Variants in BBS4 observed in about 807,000 individuals in gnomAD.
BBS4 encodes BBSome complex member BBS4.
BBS4 carries 58 observed loss-of-function variants against 71.4 expected under a neutral mutation model. That is an observed-to-expected ratio of 0.81 (90% CI 0.66 to 1.01). The LOEUF is 1.01. BBS4 is among the 50% of genes least tolerant of loss of function. The probability of loss-of-function intolerance (pLI) is 0.00; values close to 1 mark genes in which losing one functional copy is unlikely to be tolerated. For missense variants in BBS4, 660 were observed against 607.9 expected, an observed-to-expected ratio of 1.09 and a Z score of -0.90; for synonymous variants, 228 against 216.8, an observed-to-expected ratio of 1.05 and a Z score of -0.46.
intron 10 of BBS4, 36 bp downstream of exon 10, chr15:72,729,720 G>C (rs1180736476): frequency 6.3e-7 from 1 of 1,575,938 alleles, no homozygotes; most frequent in Non-Finnish European, 8.7e-7. Context: ...CCTTCATATA[G>C]ACGGTCCCAC....
At chr15:72,735,330 T>C in intron 13 of BBS4, 148 bp downstream of exon 13, 1 of 695,924 alleles carries the variant, frequency 1.4e-6, no homozygotes, top group Non-Finnish European at 2.7e-6. Flanking sequence ...TGGAGGGATG[T>C]GTCTCCTAAG....
At chr15:72,704,683 C>A (rs1371456117) in intron 2 of BBS4, among the ~76,000 whole-genome samples, 1 of 152,054 alleles carries the variant, frequency 6.6e-6, no homozygotes, top group East Asian at 1.9e-4. Flanking sequence ...AGTTCAAGAC[C>A]AGCCTGGCGG....
intron 8 of BBS4, among the ~76,000 whole-genome samples, chr15:72,725,863 C>T (rs573547555): frequency 0.034 from 95 of 2,790 alleles, 36 homozygotes; most frequent in Non-Finnish European, 0.061. Flanking sequence ...TTCCCCATCC[C>T]CCTTTCCCCA....
At chr15:72,704,321 C>T (rs1318680092) in intron 2 of BBS4, 4 of 625,210 alleles carry the variant, frequency 6.4e-6, no homozygotes, top group Non-Finnish European at 1.0e-5. Flanking sequence ...ATAGGGGAGA[C>T]TCTGCTCTGC....
chr15:72,731,961 CT>C (rs761090295), intron 12 of BBS4, among the ~76,000 whole-genome samples: 14 of 152,264 alleles, frequency 9.2e-5, no homozygotes, highest in Non-Finnish European at 2.1e-4. Context: ...AAGATCATCC[CT>C]AGTTCACCTT....
At position 72,737,516 on chromosome 15, in the gene BBS4, C is replaced by A. The variant is rs1326088443; in HGVS notation, c.1489C>A (p.Leu497Ile). The stretch of plus-strand genomic sequence containing the variant: ...ATCCCAGTTCACAAAGCCCCCATCT[C>A]TTCCTCTGGAGCCAGAGCCTGCGGT... ...GTSQFTKPPS[L>I]PLEPEPAVES... Residue 497 changes from leucine (L) to isoleucine (I), a missense_variant, in exon 16 of 16, where the codon CTT (leucine) becomes ATT (isoleucine). By Grantham distance (5) the Leu-to-Ile change is conservative (BLOSUM62 2). Transcript: ENST00000268057. The A allele has an allele frequency of 1.9e-6, 3 of 1,613,110 alleles. No individual in the cohort carries two copies. Among genetic ancestry groups the A allele is most frequent in the Admixed American group, 1.7e-5 (1 of 59,870 alleles).
intron 5 of BBS4, among the ~76,000 whole-genome samples, chr15:72,716,414 G>A (rs2065469673): frequency 6.6e-6 from 1 of 152,204 alleles, no homozygotes. Flanking sequence ...GGAAGGAAAG[G>A]ATGTGTCCCT....
chr15:72,712,425 A>C (rs1224506202), intron 4 of BBS4, 118 bp downstream of exon 4: 2 of 958,816 alleles, frequency 2.1e-6, no homozygotes, highest in Non-Finnish European at 3.3e-6. Flanking sequence ...TTAACAATGG[A>C]GATATGTTCT....
intron 6 of BBS4, among the ~76,000 whole-genome samples, chr15:72,717,853 G>C (rs2065494302): frequency 9.6e-5 from 1 of 10,394 alleles, no homozygotes; most frequent in Admixed American, 2.5e-3. Flanking sequence ...TTTTCTTTGT[G>C]TGTGGTGCGG....
In BBS4 at chr15:72,729,683, AG is replaced by A. The variant is rs2151044087; in HGVS notation, c.711+1del. 1.2e-6 allele frequency: 2 copies of A among 1,613,612 alleles called. No individual in the cohort carries two copies. The highest frequency in any genetic ancestry group is 1.7e-6 in the Non-Finnish European group (2 of 1,179,618). ...NALTYDPTNY[K>X]AILAAGSMMQ... ...CTGACTTATGACCCTACCAACTACA[AG>A]GTATTACAGGCTGTGAAGGCTCTGG... is the stretch of plus-strand genomic sequence containing the variant. On this transcript the variant is annotated frameshift_variant and splice_region_variant, in exon 10 of 16. Transcript: ENST00000268057. LOFTEE classifies it high-confidence loss of function.
chr15:72,690,085 C>T (rs564384165), intron 1 of BBS4, among the ~76,000 whole-genome samples: 2 of 152,166 alleles, frequency 1.3e-5, no homozygotes, highest in Non-Finnish European at 2.9e-5. Flanking sequence ...GCTGGGATTA[C>T]AGGCGAGCCA....
chr15:72,694,712 T>TG (rs2065044521), intron 1 of BBS4, among the ~76,000 whole-genome samples: 1 of 152,228 alleles, frequency 6.6e-6, no homozygotes, highest in African/African-American at 2.4e-5. Context: ...ATTCATTTGA[T>TG]GGTTTTCTAT....
rs2065965577 is a variant in BBS4 at position 72,738,206 on chromosome 15, G to C, written c.*619G>C. 3 of 451,890 alleles carry C rather than the reference G, an allele frequency of 6.6e-6. No individual in the cohort carries two copies. The highest frequency in any genetic ancestry group is 1.3e-5 in the Non-Finnish European group (3 of 226,030). 28.0% of individuals were successfully genotyped at this position (451,890 alleles called of 1,614,324 possible). On this transcript the variant is annotated 3_prime_UTR_variant, in exon 16 of 16. Coordinates refer to ENST00000268057, the MANE Select transcript of BBS4 (RefSeq NM_033028.5). ...CCTCCCTGTATTTTGTTCTTGAGAG[G>C]GGTCAGTCTAGAAGCTAGATCCTAT...
At chr15:72,724,712 G>C in intron 8 of BBS4, 57 bp downstream of exon 8, 1 of 1,600,312 alleles carries the variant, frequency 6.2e-7, no homozygotes, top group Non-Finnish European at 8.5e-7. Flanking sequence ...GAGTGGATAT[G>C]TGAACTCCCA....
chr15:72,723,856 G>A (rs766894339), intron 7 of BBS4, among the ~76,000 whole-genome samples: 17 of 152,140 alleles, frequency 1.1e-4, no homozygotes, highest in South Asian at 4.1e-4. Context: ...GGGAAAAGAA[G>A]GATTTGTCTT....
In BBS4 at chr15:72,731,445, G is replaced by T. The variant is rs12373005; in HGVS notation, c.852G>T (p.Lys284Asn). ...NNIGMCFFGK[K>N]KYVAAISCLK... is the part of the protein sequence containing the mutation. The stretch of plus-strand genomic sequence containing the variant: ...TTGGAATGTGTTTCTTTGGCAAGAA[G>T]AAATATGTGGCGGTGAGTGTCCCCT... Residue 284 changes from lysine (K) to asparagine (N), a missense_variant, in exon 11 of 16, where the codon AAG (lysine) becomes AAT (asparagine). Physicochemically the swap from Lys to Asn is moderately conservative, Grantham distance 94. Coordinates refer to ENST00000268057, the MANE Select transcript of BBS4 (RefSeq NM_033028.5). 1 of 1,614,088 alleles carries T rather than the reference G, an allele frequency of 6.2e-7. No homozygotes were observed. Among genetic ancestry groups the T allele is most frequent in the African/African-American group, 1.3e-5 (1 of 74,920 alleles).
chr15:72,736,939 G>A lies in BBS4; in HGVS notation c.1426G>A (p.Ala476Thr). 1.2e-6 allele frequency: 2 copies of A among 1,614,182 alleles called. No homozygotes were observed. The highest frequency in any genetic ancestry group is 1.7e-6 in the Non-Finnish European group (2 of 1,180,034). ...QALGQAMSSA[A>T]AYRTLPSGAG... The stretch of plus-strand genomic sequence containing the variant: ...TCTAGGACAGGCAATGTCTTCAGCA[G>A]CTGCATACAGGACGCTCCCCTCAGG... Residue 476 changes from alanine (A) to threonine (T), a missense_variant, in exon 15 of 16, where the codon GCT (alanine) becomes ACT (threonine). Coordinates refer to ENST00000268057, the MANE Select transcript of BBS4 (RefSeq NM_033028.5).
chr15:72,713,355 ACGCACGCACG>A lies in BBS4; in HGVS notation c.220+1050_220+1059del, dbSNP rs1313115269. On this transcript the variant is annotated intron_variant, in intron 4 of 15. Transcript: ENST00000268057. ...CACACACACACACACACACACGCAC[ACGCACGCACG>A]CACTGGTCTAGGCCTACACTGAGTC... Among the ~76,000 whole-genome samples the A allele has an allele frequency of 4.2e-5, 5 of 118,466 alleles. 1 individual carries two copies. The highest frequency in any genetic ancestry group is 1.8e-3 in the East Asian group (2 of 1,128). 77.7% of individuals were successfully genotyped at this position (118,466 alleles called of 152,430 possible).
intron 2 of BBS4, among the ~76,000 whole-genome samples, chr15:72,709,099 G>A (rs1407015780): frequency 2.0e-5 from 3 of 152,096 alleles, no homozygotes; most frequent in Non-Finnish European, 2.9e-5. Flanking sequence ...GCCCTTTGAG[G>A]CATGTGATCT....
Sources: gnomAD v4.1 joint callset for allele counts (sites outside exome capture counted in the v4.1 genomes callset) on GRCh38, gnomAD v4.1.1 for gene constraint, MANE v1.5 for transcripts, NCBI Gene and HGNC (gene_info 2026-07-23, HGNC 2026-07-21) for gene names.